LRRIQ3: variants seen among roughly 807,000 people sequenced by gnomAD.
LRRIQ3 encodes leucine rich repeats and IQ motif containing 3.
In LRRIQ3, 75 loss-of-function variants were observed where a neutral mutation model predicts 59.3. That is an observed-to-expected ratio of 1.26 (90% CI 1.05 to 1.53). The LOEUF is 1.53. Among genes scored for constraint, LRRIQ3 ranks in the 40% most tolerant of loss-of-function variants. The pLI is 0.00. For missense variants in LRRIQ3, 831 were observed against 710.0 expected (o/e 1.17, Z -1.94); for synonymous variants, 250 against 231.3 (o/e 1.08, Z -0.73).
chr1:74,131,475 G>A (rs12406803), intron 4 of LRRIQ3, among the ~76,000 whole-genome samples: 44,213 of 151,938 alleles, frequency 0.29, 7,273 homozygotes, highest in Middle Eastern at 0.43. Context: ...AAAATTCCTC[G>A]ATAAAATACT....
intron 7 of LRRIQ3, among the ~76,000 whole-genome samples, chr1:74,035,436 C>A (rs1653841250): frequency 6.6e-6 from 1 of 151,826 alleles, no homozygotes; most frequent in East Asian, 1.9e-4. Flanking sequence ...TAAAAATGTT[C>A]CTTGGCAATT....
chr1:74,100,807 G>A (rs1646518368), intron 5 of LRRIQ3, among the ~76,000 whole-genome samples: 1 of 152,132 alleles, frequency 6.6e-6, no homozygotes. Context: ...AAGAAATGGG[G>A]AAAGGATTCC....
In LRRIQ3 at chr1:74,041,537, T is replaced by C. The variant is rs1222055652; in HGVS notation, c.1394A>G (p.Lys465Arg). ...TTCAATTAGTTTTTGTGTAGCATAT[T>C]TTTTCTGATTCAAATGTTCATTAAC... is the stretch of plus-strand genomic sequence containing the variant. ...VAVNEHLNQK[K>R]YATQKLIEEN... is the part of the protein sequence containing the mutation. The change falls in exon 7 of 8, where the codon AAA becomes AGA. Residue 465 changes from lysine to arginine, a missense_variant. Transcript: ENST00000354431. 1 of 1,611,204 alleles carries C rather than the reference T, an allele frequency of 6.2e-7. No homozygotes were observed. The highest frequency in any genetic ancestry group is 1.3e-5 in the African/African-American group (1 of 74,742).
intron 7 of LRRIQ3, among the ~76,000 whole-genome samples, chr1:74,038,209 C>T (rs1183037648): frequency 3.9e-5 from 6 of 152,168 alleles, no homozygotes; most frequent in Non-Finnish European, 8.8e-5. Context: ...AGCCAGAATG[C>T]CTCTTCAGGC....
intron 6 of LRRIQ3, among the ~76,000 whole-genome samples, chr1:74,055,178 CTTTATATATA>C (rs1313746705): frequency 5.9e-5 from 2 of 33,976 alleles, no homozygotes; most frequent in Non-Finnish European, 1.3e-4. Context: ...TACATATACA[CTTTATATATA>C]TATATATATA....
chr1:74,152,274 A>G (rs1648044864), intron 4 of LRRIQ3, among the ~76,000 whole-genome samples: 1 of 152,056 alleles, frequency 6.6e-6, no homozygotes, highest in Non-Finnish European at 1.5e-5. Context: ...AAATTTCCTA[A>G]GTGAAATAGA....
chr1:74,058,801 A>G (rs1017578247), intron 6 of LRRIQ3, among the ~76,000 whole-genome samples: 4 of 152,100 alleles, frequency 2.6e-5, no homozygotes, highest in African/African-American at 9.6e-5. Flanking sequence ...TGCAATGTAT[A>G]TCTGTGTTGA....
chr1:74,092,697 A>G (rs2100519934), intron 5 of LRRIQ3, among the ~76,000 whole-genome samples: 1 of 152,154 alleles, frequency 6.6e-6, no homozygotes, highest in East Asian at 1.9e-4. Context: ...ATGGAAATAG[A>G]ATAAAATTTT....
chr1:74,100,870 A>T (rs1191421576), intron 5 of LRRIQ3, among the ~76,000 whole-genome samples: 1 of 152,190 alleles, frequency 6.6e-6, no homozygotes, highest in Non-Finnish European at 1.5e-5. Flanking sequence ...AGAAAGCTGA[A>T]ACTGGATGCC....
intron 4 of LRRIQ3, among the ~76,000 whole-genome samples, chr1:74,127,156 TA>T (rs573630351): frequency 1.2e-3 from 176 of 152,086 alleles, no homozygotes; most frequent in African/African-American, 4.1e-3. Flanking sequence ...TCATGTCTGG[TA>T]TAAGTATTCC....
At chr1:74,063,619 A>G (rs1214196787) in intron 6 of LRRIQ3, among the ~76,000 whole-genome samples, 1 of 151,650 alleles carries the variant, frequency 6.6e-6, no homozygotes, top group Non-Finnish European at 1.5e-5. Context: ...TAAAGTGTTG[A>G]CTCTTTCATT....
At chr1:74,164,159 T>C (rs1277087940) in intron 3 of LRRIQ3, among the ~76,000 whole-genome samples, 2 of 151,220 alleles carry the variant, frequency 1.3e-5, no homozygotes, top group East Asian at 3.9e-4. Context: ...GAGAGTTGTA[T>C]ACATTTTCTA....
chr1:74,051,770 G>A (rs1338053807), intron 6 of LRRIQ3, among the ~76,000 whole-genome samples: 1 of 151,998 alleles, frequency 6.6e-6, no homozygotes, highest in Non-Finnish European at 1.5e-5. Context: ...TTTTATAAGG[G>A]GTTTCATTAT....
chr1:74,084,299 A>G, intron 5 of LRRIQ3: 1 of 1,375,000 alleles, frequency 7.3e-7, no homozygotes, highest in Non-Finnish European at 9.9e-7. Context: ...AACAATAATC[A>G]GCAAACATTA....
chr1:74,143,987 C>A (rs1057251520), intron 4 of LRRIQ3, among the ~76,000 whole-genome samples: 5 of 151,642 alleles, frequency 3.3e-5, no homozygotes, highest in Non-Finnish European at 5.9e-5. Context: ...AATTTATATT[C>A]CTTTAAGAAC....
chr1:74,046,569 A>C (rs1245529452), intron 6 of LRRIQ3, among the ~76,000 whole-genome samples: 2 of 152,212 alleles, frequency 1.3e-5, no homozygotes, highest in African/African-American at 4.8e-5. Context: ...CACCAAAAGC[A>C]ACAGCAACAA....
intron 3 of LRRIQ3, chr1:74,181,960 A>G (rs1160012256): frequency 6.6e-6 from 1 of 151,562 alleles, no homozygotes; most frequent in Admixed American, 6.6e-5. Context: ...ACCTAATTTA[A>G]CCCCCTCTTT....
At chr1:74,197,457 T>C (rs1294342123) in intron 1 of LRRIQ3, among the ~76,000 whole-genome samples, 1 of 152,176 alleles carries the variant, frequency 6.6e-6, no homozygotes, top group Non-Finnish European at 1.5e-5. Flanking sequence ...AACCTCGTGT[T>C]CTATAACAGG....
chr1:74,122,658 C>T lies in LRRIQ3; in HGVS notation c.708-13105G>A, dbSNP rs1336788561. Among the ~76,000 whole-genome samples the T allele has an allele frequency of 3.9e-5, 6 of 152,204 alleles. No individual in the cohort carries two copies. The South Asian group carries it at 6.2e-4, about 16-fold the overall frequency. ...AAGCTGAAACTGGATGCCTTCCTTA[C>T]ACCTTATACAAAAATTAATTCAAGA... On this transcript the variant is annotated intron_variant, in intron 4 of 7. Transcript: ENST00000354431.
Sources: allele counts gnomAD v4.1 joint callset (sites outside exome capture counted in the v4.1 genomes callset), GRCh38; gene constraint gnomAD v4.1.1; transcripts MANE v1.5; gene names NCBI Gene and HGNC (gene_info 2026-07-23, HGNC 2026-07-21).